Variants in RHOJ observed in about 807,000 individuals in gnomAD.
The protein encoded by RHOJ is rho-related GTP-binding protein RhoJ.
In RHOJ, 11 loss-of-function variants were observed where a neutral mutation model predicts 23.4. The ratio of observed to expected loss-of-function variants is 0.47; its 90% CI spans 0.30 to 0.78. The LOEUF is 0.78. RHOJ is among the 30% of genes least tolerant of loss of function. The pLI is 0.08. For synonymous variants in RHOJ, 102 were observed against 102.7 expected, an observed-to-expected ratio of 0.99 and a Z score of 0.04; for missense variants, 254 against 273.4, an observed-to-expected ratio of 0.93 and a Z score of 0.50.
In RHOJ at chr14:63,291,274, G is replaced by A. The variant is rs1357655535; in HGVS notation, c.*250G>A. ...CTGGGCCTGGATTGCAGACAGTGCC[G>A]CTGCTGATCGCATCAAAAACAAAGT... On this transcript the variant is annotated 3_prime_UTR_variant, in exon 5 of 5. Transcript: ENST00000316754. The A allele has an allele frequency of 3.1e-5, 16 of 508,496 alleles. No individual in the cohort carries two copies. The highest frequency in any genetic ancestry group is 1.6e-4 in the South Asian group (8 of 48,668). The allele number at this position is 508,496 out of a possible 1,614,324, so 31.5% of individuals were successfully genotyped here.
rs1243211985 is a variant in RHOJ, at chr14:63,280,865, G to A, written c.238-106G>A. 2.2e-5 allele frequency: 22 copies of A among 1,000,542 alleles called. No homozygotes were observed. In the South Asian group the frequency reaches 3.1e-4, roughly 14 times the overall value. 62.0% of individuals were successfully genotyped at this position (1,000,542 alleles called of 1,614,324 possible). A position where few individuals can be genotyped will look rare whatever the true frequency, so the allele number is the denominator to read the frequency against. On this transcript the variant is annotated intron_variant, in intron 2 of 4. Transcript: ENST00000316754. ...CAGATTCCAGGGTTGAGGAAGAAAC[G>A]GGATCCCAGTGCGCTGTAGTGGACT...
chr14:63,285,010 C>T (rs1882036580), intron 4 of RHOJ, among the ~76,000 whole-genome samples: 2 of 152,096 alleles, frequency 1.3e-5, no homozygotes, highest in African/African-American at 4.8e-5. Flanking sequence ...TAGAAGAAAA[C>T]CTAGCAAGAT....
chr14:63,245,398 A>G (rs552925576), intron 1 of RHOJ, among the ~76,000 whole-genome samples: 2 of 152,100 alleles, frequency 1.3e-5, no homozygotes, highest in Non-Finnish European at 2.9e-5. Flanking sequence ...GTAATCCCAT[A>G]CTTTAGGAGG....
In RHOJ at chr14:63,291,128, C is replaced by A; in HGVS notation, c.*104C>A. The A allele has an allele frequency of 7.4e-7, 1 of 1,347,066 alleles. No homozygotes were observed. The highest frequency in any genetic ancestry group is 1.0e-6 in the Non-Finnish European group (1 of 952,652). 83.4% of individuals were successfully genotyped at this position (1,347,066 alleles called of 1,614,324 possible). A position where few individuals can be genotyped will look rare whatever the true frequency, so the allele number is the denominator to read the frequency against. ...GGAGGGCACGACCAGAAAGGAACTC[C>A]CTTTGCACGGAGGCTTGCCCCATCA... On this transcript the variant is annotated 3_prime_UTR_variant, in exon 5 of 5. Coordinates refer to ENST00000316754, the MANE Select transcript of RHOJ (RefSeq NM_020663.5).
intron 1 of RHOJ, among the ~76,000 whole-genome samples, chr14:63,262,760 C>A (rs1895294295): frequency 6.6e-6 from 1 of 152,238 alleles, no homozygotes; most frequent in African/African-American, 2.4e-5. Flanking sequence ...GTGTATTCAG[C>A]ATCTATTATG....
intron 1 of RHOJ, among the ~76,000 whole-genome samples, chr14:63,263,189 C>G (rs1895302862): frequency 2.0e-5 from 3 of 152,156 alleles, no homozygotes; most frequent in Admixed American, 2.0e-4. Context: ...AAGGTCATTA[C>G]AGTGATGAAT....
chr14:63,289,217 A>T (rs1249226925), intron 4 of RHOJ, among the ~76,000 whole-genome samples: 1 of 152,194 alleles, frequency 6.6e-6, no homozygotes, highest in Non-Finnish European at 1.5e-5. Context: ...TAAATAAAAA[A>T]TCCAAATGTC....
rs145294191 is a variant in RHOJ, at chr14:63,247,470, AT to A, written c.179-21639del. Among the ~76,000 whole-genome samples the A allele has an allele frequency of 2.7e-3, 409 of 152,334 alleles. 1 individual carries two copies. Among genetic ancestry groups the A allele is most frequent in the African/African-American group, 9.4e-3 (390 of 41,582 alleles). On this transcript the variant is annotated intron_variant, in intron 1 of 4. Transcript: ENST00000316754. ...TGTTCTAGTGAGTAGGTGAAAAAAA[AT>A]ATACAGAAAAAATAAAGAAACTATA... is the stretch of plus-strand genomic sequence containing the variant.
intron 1 of RHOJ, among the ~76,000 whole-genome samples, chr14:63,209,252 TCCCAAAC>T (rs1894181202): frequency 6.6e-6 from 1 of 152,120 alleles, no homozygotes; most frequent in Non-Finnish European, 1.5e-5. Context: ...AGAGGGACTG[TCCCAAAC>T]CCCAACTTCT....
chr14:63,240,891 T>C (rs563467095), intron 1 of RHOJ, among the ~76,000 whole-genome samples: 17 of 152,320 alleles, frequency 1.1e-4, no homozygotes, highest in African/African-American at 3.4e-4. Context: ...TTTTTGACAA[T>C]GGTTCCATGA....
intron 2 of RHOJ, among the ~76,000 whole-genome samples, chr14:63,272,842 G>A (rs577804037): frequency 1.4e-4 from 21 of 152,274 alleles, no homozygotes; most frequent in Non-Finnish European, 2.4e-4. Flanking sequence ...TGGCCAATAC[G>A]GTGAAACCCC....
At chr14:63,276,214 G>C (rs927850394) in intron 2 of RHOJ, among the ~76,000 whole-genome samples, 62 of 152,270 alleles carry the variant, frequency 4.1e-4, no homozygotes, top group African/African-American at 1.3e-3. Flanking sequence ...CTTCGGTGGG[G>C]GGGGGCGGGG....
chr14:63,254,620 A>G (rs563277344), intron 1 of RHOJ, among the ~76,000 whole-genome samples: 17 of 152,260 alleles, frequency 1.1e-4, no homozygotes, highest in African/African-American at 4.1e-4. Flanking sequence ...AAAATTGGAT[A>G]GATTTTAGTC....
intron 1 of RHOJ, among the ~76,000 whole-genome samples, chr14:63,243,011 G>A (rs1242880982): frequency 2.0e-5 from 3 of 152,076 alleles, no homozygotes; most frequent in African/African-American, 7.2e-5. Flanking sequence ...GATTCCAAGG[G>A]GCATGACAAT....
intron 2 of RHOJ, among the ~76,000 whole-genome samples, chr14:63,275,953 A>C (rs1323829364): frequency 6.6e-6 from 1 of 152,130 alleles, no homozygotes; most frequent in Non-Finnish European, 1.5e-5. Context: ...TGACCCCTTT[A>C]CCATATTTTA....
chr14:63,214,945 A>G (rs538099463), intron 1 of RHOJ, among the ~76,000 whole-genome samples: 4 of 152,292 alleles, frequency 2.6e-5, no homozygotes, highest in African/African-American at 9.6e-5. Context: ...ACCTGCCCTC[A>G]TGGGAAGAAA....
chr14:63,276,210 TGG>T (rs11354682), intron 2 of RHOJ, among the ~76,000 whole-genome samples: 13 of 149,382 alleles, frequency 8.7e-5, no homozygotes, highest in African/African-American at 2.9e-4. Flanking sequence ...TCAGCTTCGG[TGG>T]GGGGGGGCGG....
chr14:63,286,339 A>G (rs1882081813), intron 4 of RHOJ, among the ~76,000 whole-genome samples: 1 of 152,222 alleles, frequency 6.6e-6, no homozygotes, highest in Non-Finnish European at 1.5e-5. Context: ...AGCACAGAAG[A>G]GAGAGAGACT....
rs58766005 is a variant in RHOJ at position 63,215,532 on chromosome 14, C to A, written c.178+10485C>A. On this transcript the variant is annotated intron_variant, in intron 1 of 4. Coordinates refer to ENST00000316754, the MANE Select transcript of RHOJ (RefSeq NM_020663.5). ...GCTGAGTATTTACTGTGTGTCCAGC[C>A]CTGTGTTGCCTTTGTTATCTTGCTT... Among the ~76,000 whole-genome samples, 1,094 of 152,226 alleles carry A rather than the reference C, an allele frequency of 7.2e-3. 14 individuals carry two copies. Among genetic ancestry groups the A allele is most frequent in the African/African-American group, 0.025 (1,049 of 41,522 alleles).
Sources: gnomAD v4.1 joint callset for allele counts (sites outside exome capture counted in the v4.1 genomes callset) on GRCh38, gnomAD v4.1.1 for gene constraint, MANE v1.5 for transcripts, NCBI Gene and HGNC (gene_info 2026-07-23, HGNC 2026-07-21) for gene names.